Variants in TFPT observed in about 807,000 individuals in gnomAD.
TFPT encodes the protein TCF3 fusion partner.
Under a neutral mutation model 28.8 loss-of-function variants are expected in TFPT, and 27 were observed. The observed-to-expected ratio is 0.94, with a 90% confidence interval of 0.69 to 1.29. The LOEUF is 1.29. Among genes scored for constraint, TFPT ranks in the 50% most tolerant of loss-of-function variants. The pLI is 0.00. For missense variants in TFPT, 330 were observed against 338.0 expected (o/e 0.98, Z 0.19); for synonymous variants, 152 against 142.8 (o/e 1.06, Z -0.46).
At position 54,108,165 on chromosome 19, in the gene TFPT, G is replaced by C; in HGVS notation, c.503C>G (p.Pro168Arg). ...NEPPEKETLSPPRRTPAPPEP... is the reference protein window; with the variant it reads ...NEPPEKETLSRPRRTPAPPEP... The stretch of plus-strand genomic sequence containing the variant: ...TGGGGGTGCAGGAGTCCTTCTGGGC[G>C]GGGACAGTGTCTCTTTCTCTGGAGG... Residue 168 changes from proline to arginine, a missense_variant, in exon 5 of 6, where the codon CCG becomes CGG. Pro to Arg is a moderately radical substitution (Grantham distance 103). Coordinates refer to ENST00000391759, the MANE Select transcript of TFPT (RefSeq NM_013342.4). 1 of 1,592,388 alleles carries C rather than the reference G, an allele frequency of 6.3e-7. No individual in the cohort carries two copies. Among genetic ancestry groups the C allele is most frequent in the Non-Finnish European group, 8.6e-7 (1 of 1,167,194 alleles).
chr19:54,115,278 C>T lies in TFPT; in HGVS notation c.-9G>A, dbSNP rs1163492070. On this transcript the variant is annotated 5_prime_UTR_variant, in exon 1 of 6. Coordinates refer to ENST00000391759, the MANE Select transcript of TFPT (RefSeq NM_013342.4). ...CTCTGCTCCAATTCCATCTCCGCGA[C>T]CTCCGGAAGCCCCGGGCCTCAGAGC... 6.2e-7 allele frequency: 1 copy of T among 1,614,072 alleles called. No individual in the cohort carries two copies. Among genetic ancestry groups the T allele is most frequent in the Middle Eastern group, 1.6e-4 (1 of 6,062 alleles).
intron 1 of TFPT, 186 bp downstream of exon 1, chr19:54,115,061 C>G (rs75497563): frequency 0.062 from 54,364 of 872,294 alleles, 2,039 homozygotes; most frequent in Non-Finnish European, 0.073. Flanking sequence ...TCAGATCCAG[C>G]AGTCCAAACC....
Position 54,114,608 on chromosome 19 carries a change from C to T in TFPT, c.116G>A (p.Ser39Asn). ...AAACTCCACTTCCGTCTCCAGCTCG[C>T]TCTCCAGGATGTGGCCACCAAATAG... is the stretch of plus-strand genomic sequence containing the variant. Reference protein sequence around the residue: ...PPLFGGHILESELETEVEFVS... With the variant: ...PPLFGGHILENELETEVEFVS... The change falls in exon 2 of 6, where the codon AGC (serine) becomes AAC (asparagine). Residue 39 changes from serine to asparagine, a missense_variant. Ser to Asn is a conservative substitution (Grantham distance 46). Coordinates refer to ENST00000391759, the MANE Select transcript of TFPT (RefSeq NM_013342.4). 1 of 1,614,134 alleles carries T rather than the reference C, an allele frequency of 6.2e-7. No homozygotes were observed. The highest frequency in any genetic ancestry group is 8.5e-7 in the Non-Finnish European group (1 of 1,180,036).
At chr19:54,110,650 T>A (rs1241951465) in intron 2 of TFPT, among the ~76,000 whole-genome samples, 2 of 151,678 alleles carry the variant, frequency 1.3e-5, no homozygotes, top group African/African-American at 4.8e-5. Flanking sequence ...TGAAGTGAGT[T>A]GAGATCACCC....
In TFPT at chr19:54,110,104, C is replaced by T. The variant is rs768491154; in HGVS notation, c.300G>A (p.Leu100=). The change falls in exon 3 of 6, where the codon CTG becomes CTA. Residue 100 remains leucine, a synonymous_variant. Transcript: ENST00000391759. ...REIEQVNERV[L]NRLHQVQRIT... The stretch of plus-strand genomic sequence containing the variant: ...TCCTCTGCACCTGATGGAGCCTGTT[C>T]AGGACCCGCTCGTTCACCTATGGGG... 1 of 1,614,028 alleles carries T rather than the reference C, an allele frequency of 6.2e-7. No individual in the cohort carries two copies. The highest frequency in any genetic ancestry group is 2.2e-5 in the East Asian group (1 of 44,886).
chr19:54,115,122 G>A, intron 1 of TFPT, 125 bp downstream of exon 1: 1 of 1,447,972 alleles, frequency 6.9e-7, no homozygotes, highest in Non-Finnish European at 9.7e-7. Context: ...AGGGTTCTAA[G>A]GTAAAGCAGT....
chr19:54,114,329 GACT>G lies in TFPT; in HGVS notation c.282+110_282+112del, dbSNP rs1258985880. The G allele has an allele frequency of 6.5e-4, 949 of 1,468,864 alleles. 3 individuals carry two copies. In the African/African-American group the frequency reaches 8.1e-3, roughly 12 times the overall value. 91.0% of individuals were successfully genotyped at this position (1,468,864 alleles called of 1,614,324 possible). On this transcript the variant is annotated intron_variant, in intron 2 of 5. Coordinates refer to ENST00000391759, the MANE Select transcript of TFPT (RefSeq NM_013342.4). The stretch of plus-strand genomic sequence containing the variant: ...AAATGACTGAATATATAAGCTAAAT[GACT>G]GAATATATCAGCAAGCCAAGAAAGG...
At chr19:54,111,618 T>TGCAGTGA (rs2073457138) in intron 2 of TFPT, among the ~76,000 whole-genome samples, 1 of 143,664 alleles carries the variant, frequency 7.0e-6, no homozygotes, top group Non-Finnish European at 1.5e-5. Flanking sequence ...AGCTGGAGGT[T>TGCAGTGA]GCAGTGAGCC....
At chr19:54,110,434 G>A (rs1271621447) in intron 2 of TFPT, among the ~76,000 whole-genome samples, 2 of 152,176 alleles carry the variant, frequency 1.3e-5, no homozygotes, top group East Asian at 3.9e-4. Context: ...CCATTAAGTC[G>A]AAACACACCA....
At chr19:54,108,809 C>G in intron 3 of TFPT, 1 of 536,120 alleles carries the variant, frequency 1.9e-6, no homozygotes, top group Non-Finnish European at 3.2e-6. Context: ...ATAAACACCC[C>G]CTTCTCTTTT....
chr19:54,108,141 G>C lies in TFPT; in HGVS notation c.527C>G (p.Pro176Arg), dbSNP rs1480466945. The part of the protein sequence containing the change: ...LSPPRRTPAP[P>R]EPGSPAPGEG... ...ACCGGGGGCTGGGCTGCCGGGTTCT[G>C]GGGGTGCAGGAGTCCTTCTGGGCGG... Residue 176 changes from proline (P) to arginine (R), a missense_variant, in exon 5 of 6, where the codon CCA (proline) becomes CGA (arginine). Coordinates refer to ENST00000391759, the MANE Select transcript of TFPT (RefSeq NM_013342.4). 1.3e-6 allele frequency: 2 copies of C among 1,584,722 alleles called. No homozygotes were observed. Among genetic ancestry groups the C allele is most frequent in the South Asian group, 1.1e-5 (1 of 87,182 alleles).
rs2073554896 is a variant in TFPT, at chr19:54,114,474, C to A, written c.250G>T (p.Ala84Ser). 1.2e-6 allele frequency: 2 copies of A among 1,613,786 alleles called. No individual in the cohort carries two copies. Among genetic ancestry groups the A allele is most frequent in the Non-Finnish European group, 1.7e-6 (2 of 1,180,022 alleles). ...QRELNRRKYQ[A>S]LGRRCREIEQ... ...ATCTCCCGGCAGCGCCGACCTAGTG[C>A]CTGGTACTTTCTGCGATTTAATTCC... The change falls in exon 2 of 6, where the codon GCA becomes TCA. Residue 84 changes from alanine to serine, a missense_variant. Coordinates refer to ENST00000391759, the MANE Select transcript of TFPT (RefSeq NM_013342.4).
chr19:54,107,809 T>C (rs587762886), intron 5 of TFPT, among the ~76,000 whole-genome samples: 1 of 152,098 alleles, frequency 6.6e-6, no homozygotes, highest in Non-Finnish European at 1.5e-5. Context: ...TCCAACTACT[T>C]CCCTGCCTGA....
intron 1 of TFPT, 146 bp from the exon 2 acceptor site, chr19:54,114,846 C>A (rs1360992677): frequency 8.4e-6 from 10 of 1,188,010 alleles, no homozygotes; most frequent in Admixed American, 5.7e-5. Flanking sequence ...ACCGTAGAAT[C>A]CAGCTCCCAG....
At chr19:54,108,771 A>T in intron 3 of TFPT, 1 of 674,742 alleles carries the variant, frequency 1.5e-6, no homozygotes, top group Non-Finnish European at 2.4e-6. Context: ...GGGAGTACAG[A>T]ACGCTCCTCC....
chr19:54,115,063 G>T, intron 1 of TFPT, 184 bp downstream of exon 1: 1 of 926,240 alleles, frequency 1.1e-6, no homozygotes, highest in Non-Finnish European at 1.6e-6. Flanking sequence ...AGATCCAGCA[G>T]TCCAAACCCC....
intron 3 of TFPT, among the ~76,000 whole-genome samples, chr19:54,109,792 A>AGG (rs2073389236): frequency 3.5e-5 from 1 of 28,804 alleles, no homozygotes; most frequent in Non-Finnish European, 7.9e-5. Context: ...CAGGGGGAGG[A>AGG]TGCCCTCCAC....
chr19:54,111,525 C>T (rs1205550880), intron 2 of TFPT, among the ~76,000 whole-genome samples: 17 of 140,830 alleles, frequency 1.2e-4, no homozygotes, highest in Non-Finnish European at 2.5e-4. Context: ...AAGAAAAATA[C>T]AAAAATTAGC....
At chr19:54,110,713 T>A (rs60371156) in intron 2 of TFPT, among the ~76,000 whole-genome samples, 9,573 of 150,926 alleles carry the variant, frequency 0.063, 474 homozygotes, top group African/African-American at 0.14. Context: ...AAAAAAAAAA[T>A]TGCAACACAC....
Sources: allele counts gnomAD v4.1 joint callset (sites outside exome capture counted in the v4.1 genomes callset), GRCh38; gene constraint gnomAD v4.1.1; transcripts MANE v1.5; gene names NCBI Gene and HGNC (gene_info 2026-07-23, HGNC 2026-07-21).